IL1RAPL2: variants seen among roughly 807,000 people sequenced by gnomAD.
IL1RAPL2 encodes the protein X-linked interleukin-1 receptor accessory protein-like 2.
In IL1RAPL2, 3 loss-of-function variants were observed where a neutral mutation model predicts 44.1. The ratio of observed to expected loss-of-function variants is 0.07; its 90% confidence interval spans 0.03 to 0.18. The LOEUF (loss-of-function observed/expected upper bound fraction) is 0.18, where lower values mean the gene tolerates loss of function less well. Ranked by LOEUF, IL1RAPL2 falls within the 10% of genes least tolerant of loss-of-function variation. The probability of loss-of-function intolerance (pLI) is 1.00; values close to 1 mark genes in which losing one functional copy is unlikely to be tolerated. For missense variants in IL1RAPL2, 391 were observed against 496.4 expected (o/e 0.79, Z 2.02); for synonymous variants, 181 against 178.8 (o/e 1.01, Z -0.10).
chrX:104,891,973 A>G (rs987533384), intron 2 of IL1RAPL2, among the ~76,000 whole-genome samples: 4 of 111,663 alleles, frequency 3.6e-5, no homozygotes, highest in African/African-American at 1.3e-4. Context: ...TATCCCATCA[A>G]TACCTAATTT....
Position 105,283,048 on chromosome X carries a change from A to G in IL1RAPL2, c.697+15507A>G, listed in dbSNP as rs755316321. On this transcript the variant is annotated intron_variant, in intron 5 of 10. Transcript: ENST00000372582. Reference sequence around the variant, plus strand: ...GCATATGAGGTGAAAGGTAAAAAGGACATTTTGGGACAAGTGAAAAAATAT... The same window carrying G: ...GCATATGAGGTGAAAGGTAAAAAGGGCATTTTGGGACAAGTGAAAAAATAT... Among the ~76,000 whole-genome samples, 9 of 111,554 alleles carry G rather than the reference A, an allele frequency of 8.1e-5. No individual in the cohort carries two copies. The Admixed American group carries it at 8.6e-4, about 11-fold the overall frequency.
intron 2 of IL1RAPL2, among the ~76,000 whole-genome samples, chrX:104,910,305 A>G (rs1440727765): frequency 9.0e-6 from 1 of 111,539 alleles, no homozygotes. Flanking sequence ...TGCAGAAATC[A>G]CCTGTCTTCT....
At chrX:105,036,913 A>G (rs1317218746) in intron 2 of IL1RAPL2, among the ~76,000 whole-genome samples, 5 of 108 alleles carry the variant, frequency 0.046, no homozygotes, top group East Asian at 0.5. Flanking sequence ...CAGAATTACT[A>G]TATATTTATC....
intron 1 of IL1RAPL2, among the ~76,000 whole-genome samples, chrX:104,640,964 A>G (rs1259818020): frequency 8.9e-6 from 1 of 112,135 alleles, no homozygotes; most frequent in Non-Finnish European, 1.9e-5. Context: ...CTGGCAGGTC[A>G]GTTCTTGGGC....
At chrX:105,518,415 A>G (rs1458842487) in intron 6 of IL1RAPL2, among the ~76,000 whole-genome samples, 3 of 111,632 alleles carry the variant, frequency 2.7e-5, no homozygotes, top group African/African-American at 9.7e-5. Flanking sequence ...AAGGCATTCA[A>G]TCATCAGTCC....
chrX:105,607,394 A>G (rs1243586914), intron 6 of IL1RAPL2, among the ~76,000 whole-genome samples: 1 of 108,526 alleles, frequency 9.2e-6, no homozygotes, highest in Non-Finnish European at 1.9e-5. Flanking sequence ...GGTCAATTGT[A>G]TCAGCATTCT....
intron 3 of IL1RAPL2, among the ~76,000 whole-genome samples, chrX:105,230,085 CCA>C (rs1556194084): frequency 2.7e-5 from 3 of 112,393 alleles, no homozygotes; most frequent in Non-Finnish European, 5.6e-5. Context: ...GCGTGAGCCA[CCA>C]TGCCCGGCCA....
intron 2 of IL1RAPL2, among the ~76,000 whole-genome samples, chrX:104,755,465 C>T (rs1047366231): frequency 5.5e-5 from 6 of 109,737 alleles, no homozygotes; most frequent in African/African-American, 2.0e-4. Flanking sequence ...ACACCAAATC[C>T]ACGAGTCCTG....
chrX:105,526,875 G>A (rs2036598605), intron 6 of IL1RAPL2, among the ~76,000 whole-genome samples: 2 of 111,230 alleles, frequency 1.8e-5, no homozygotes, highest in Middle Eastern at 4.6e-3. Flanking sequence ...CATGTATTTC[G>A]TGTATATCAA....
At chrX:104,582,868 CT>C (rs1556437603) in intron 1 of IL1RAPL2, among the ~76,000 whole-genome samples, 5 of 61,717 alleles carry the variant, frequency 8.1e-5, no homozygotes, top group Admixed American at 4.6e-4. Flanking sequence ...TTCTTTCTTT[CT>C]TTTTCTTTTC....
At chrX:104,873,246 G>A (rs566834886) in intron 2 of IL1RAPL2, among the ~76,000 whole-genome samples, 1 of 110,505 alleles carries the variant, frequency 9.0e-6, no homozygotes, top group African/African-American at 3.3e-5. Context: ...TTAATACAAT[G>A]GCATTTATCT....
At chrX:104,760,549 T>G in intron 2 of IL1RAPL2, among the ~76,000 whole-genome samples, 1 of 111,981 alleles carries the variant, frequency 8.9e-6, no homozygotes, top group Non-Finnish European at 1.9e-5. Flanking sequence ...TTGAGCACAT[T>G]TTTATGTCCC....
At chrX:105,427,364 CAT>C (rs2035818278) in intron 5 of IL1RAPL2, among the ~76,000 whole-genome samples, 1 of 111,968 alleles carries the variant, frequency 8.9e-6, no homozygotes, top group Admixed American at 9.5e-5. Flanking sequence ...CTGAATCAGA[CAT>C]GTGTTCAATA....
chrX:104,953,639 T>C (rs1266814743), intron 2 of IL1RAPL2, among the ~76,000 whole-genome samples: 1 of 111,709 alleles, frequency 9.0e-6, no homozygotes, highest in Non-Finnish European at 1.9e-5. Context: ...CAATGAACAA[T>C]GAATCAAGAA....
intron 1 of IL1RAPL2, among the ~76,000 whole-genome samples, chrX:104,655,655 A>T (rs1414977572): frequency 9.0e-6 from 1 of 111,475 alleles, no homozygotes; most frequent in African/African-American, 3.3e-5. Flanking sequence ...TGTCTCTGCC[A>T]GGCTTTGGTA....
intron 2 of IL1RAPL2, among the ~76,000 whole-genome samples, chrX:104,942,618 TA>T (rs1198088164): frequency 8.1e-5 from 9 of 111,775 alleles, no homozygotes; most frequent in Non-Finnish European, 1.5e-4. Flanking sequence ...GTTTTCTAAA[TA>T]TACAATCATG....
At chrX:105,447,110 A>T (rs1242951511) in intron 5 of IL1RAPL2, among the ~76,000 whole-genome samples, 400 of 27,660 alleles carry the variant, frequency 0.014, 5 homozygotes, top group Non-Finnish European at 0.017. Flanking sequence ...TATATATAAA[A>T]ATATATATAA....
chrX:105,393,641 G>A (rs2035542414), intron 5 of IL1RAPL2, among the ~76,000 whole-genome samples: 1 of 111,542 alleles, frequency 9.0e-6, no homozygotes, highest in South Asian at 3.7e-4. Flanking sequence ...ATAACCAAAA[G>A]CAGCTTGGAC....
intron 2 of IL1RAPL2, among the ~76,000 whole-genome samples, chrX:104,970,133 A>C (rs1275395598): frequency 9.0e-6 from 1 of 111,610 alleles, no homozygotes; most frequent in Non-Finnish European, 1.9e-5. Context: ...ATAGAACTAT[A>C]TCCTGGTTTG....
Sources: gnomAD v4.1 joint callset for allele counts (sites outside exome capture counted in the v4.1 genomes callset) on GRCh38, gnomAD v4.1.1 for gene constraint, MANE v1.5 for transcripts, NCBI Gene and HGNC (gene_info 2026-07-23, HGNC 2026-07-21) for gene names.